PAG1: variants seen among roughly 807,000 people sequenced by gnomAD.
PAG1 encodes phosphoprotein associated with glycosphingolipid-enriched microdomains 1.
Under a neutral mutation model 31.7 loss-of-function variants are expected in PAG1, and 23 were observed. The ratio of observed to expected loss-of-function variants is 0.73; its 90% CI spans 0.52 to 1.03. The LOEUF (loss-of-function observed/expected upper bound fraction) is 1.03, where lower values mean the gene tolerates loss of function less well. Ranked by LOEUF, PAG1 falls within the 50% of genes least tolerant of loss-of-function variation. PAG1 has a pLI of 0.00. For synonymous variants in PAG1, 214 were observed against 210.3 expected (o/e 1.02, Z -0.15); for missense variants, 473 against 540.7 (o/e 0.87, Z 1.24).
At chr8:81,057,331 C>T (rs924679429) in intron 2 of PAG1, among the ~76,000 whole-genome samples, 29 of 152,136 alleles carry the variant, frequency 1.9e-4, no homozygotes, top group Non-Finnish European at 3.1e-4. Flanking sequence ...AAATATCCAT[C>T]AATGATAGAC....
chr8:81,047,968 T>C (rs1424129649), intron 2 of PAG1, among the ~76,000 whole-genome samples: 1 of 152,216 alleles, frequency 6.6e-6, no homozygotes. Flanking sequence ...CCTACACATG[T>C]TCACAAGGAA....
chr8:80,995,834 G>T (rs1342002671), intron 3 of PAG1, among the ~76,000 whole-genome samples: 3 of 152,168 alleles, frequency 2.0e-5, no homozygotes, highest in Non-Finnish European at 1.5e-5. Context: ...ATAGAAGGAG[G>T]TCAGTAGAAT....
Position 80,985,378 on chromosome 8 carries a change from C to G in PAG1, c.275-1G>C. On this transcript the variant is annotated splice_acceptor_variant, in intron 6 of 8. Transcript: ENST00000220597. LOFTEE classifies it high-confidence loss of function. Reference sequence around the variant, plus strand: ...GTCAGAGTACTGTCCTCTGAAAGAACTAAAGCAGCACACACATTAAAAGCG... The same window carrying G: ...GTCAGAGTACTGTCCTCTGAAAGAAGTAAAGCAGCACACACATTAAAAGCG... The G allele has an allele frequency of 6.2e-7, 1 of 1,607,756 alleles. No homozygotes were observed.
chr8:80,983,340 C>T (rs1302543164), intron 7 of PAG1, among the ~76,000 whole-genome samples: 1 of 152,182 alleles, frequency 6.6e-6, no homozygotes, highest in Non-Finnish European at 1.5e-5. Context: ...TTCTCAGTTC[C>T]CCTTATTCGG....
intron 3 of PAG1, among the ~76,000 whole-genome samples, chr8:81,023,810 T>C (rs554751763): frequency 9.9e-5 from 15 of 152,260 alleles, no homozygotes; most frequent in African/African-American, 2.9e-4. Flanking sequence ...AAAAGAATAA[T>C]GCAATAAACA....
chr8:81,067,941 T>C (rs1024281807), intron 2 of PAG1, among the ~76,000 whole-genome samples: 1 of 152,166 alleles, frequency 6.6e-6, no homozygotes, highest in Non-Finnish European at 1.5e-5. Context: ...TTTGCTTGTG[T>C]TTCTCTTTTT....
At chr8:81,104,386 C>CTTTT (rs34291180) in intron 1 of PAG1, among the ~76,000 whole-genome samples, 1 of 138,234 alleles carries the variant, frequency 7.2e-6, no homozygotes. Context: ...GGCCTTCGTC[C>CTTTT]TTTTTTTTTT....
chr8:81,084,746 T>G (rs1463806704), intron 1 of PAG1, among the ~76,000 whole-genome samples: 3 of 152,198 alleles, frequency 2.0e-5, no homozygotes, highest in Non-Finnish European at 4.4e-5. Context: ...TTTATGGGAT[T>G]TAAGAGAACT....
intron 3 of PAG1, among the ~76,000 whole-genome samples, chr8:81,027,967 T>C (rs1808313175): frequency 6.6e-6 from 1 of 151,332 alleles, no homozygotes; most frequent in Admixed American, 6.6e-5. Flanking sequence ...GAAATTTCTC[T>C]TTAAGCCTAA....
At chr8:80,992,187 C>T (rs1807565133) in intron 4 of PAG1, among the ~76,000 whole-genome samples, 1 of 152,220 alleles carries the variant, frequency 6.6e-6, no homozygotes, top group Non-Finnish European at 1.5e-5. Flanking sequence ...GGCCCTGCGG[C>T]CTCTTTGTTC....
intron 1 of PAG1, among the ~76,000 whole-genome samples, chr8:81,095,747 G>A (rs1243360368): frequency 6.6e-6 from 1 of 152,166 alleles, no homozygotes; most frequent in Non-Finnish European, 1.5e-5. Flanking sequence ...CTCAATAAAT[G>A]TATGCTGCAT....
chr8:81,054,041 CA>C (rs780658656), intron 2 of PAG1, among the ~76,000 whole-genome samples: 1 of 152,022 alleles, frequency 6.6e-6, no homozygotes, highest in Non-Finnish European at 1.5e-5. Flanking sequence ...ACTTTATTTA[CA>C]AAAATAGGTG....
chr8:81,027,601 G>T (rs1808304139), intron 3 of PAG1, among the ~76,000 whole-genome samples: 1 of 152,184 alleles, frequency 6.6e-6, no homozygotes, highest in African/African-American at 2.4e-5. Context: ...CCAGGGAGCT[G>T]TTCTTAAGAA....
intron 1 of PAG1, among the ~76,000 whole-genome samples, chr8:81,091,999 C>CAAA (rs35485848): frequency 4.7e-5 from 6 of 128,098 alleles, no homozygotes; most frequent in Non-Finnish European, 5.1e-5. Flanking sequence ...GACCTTGTCT[C>CAAA]AAAAAAAAAA....
At chr8:80,999,547 C>T (rs1807747072) in intron 3 of PAG1, among the ~76,000 whole-genome samples, 1 of 152,170 alleles carries the variant, frequency 6.6e-6, no homozygotes, top group East Asian at 1.9e-4. Flanking sequence ...ACTCACTGCT[C>T]ATGGGAGAGA....
intron 3 of PAG1, among the ~76,000 whole-genome samples, chr8:80,994,406 C>T (rs542851170): frequency 3.3e-5 from 5 of 152,334 alleles, no homozygotes; most frequent in Admixed American, 2.6e-4. Flanking sequence ...CTACCTAGTA[C>T]ATTTCCGTAC....
At chr8:81,080,798 A>C (rs1050429401) in intron 1 of PAG1, among the ~76,000 whole-genome samples, 1 of 152,292 alleles carries the variant, frequency 6.6e-6, no homozygotes, top group East Asian at 1.9e-4. Flanking sequence ...ATCAGGTCTG[A>C]GGGCCATTTG....
At chr8:81,052,108 C>T (rs1275868062) in intron 2 of PAG1, among the ~76,000 whole-genome samples, 3 of 144,348 alleles carry the variant, frequency 2.1e-5, no homozygotes, top group South Asian at 2.2e-4. Flanking sequence ...CCAGCCCGGG[C>T]GACAGAGCGA....
At chr8:81,105,684 A>C (rs1029268928) in intron 1 of PAG1, among the ~76,000 whole-genome samples, 4 of 152,254 alleles carry the variant, frequency 2.6e-5, no homozygotes, top group Admixed American at 2.0e-4. Context: ...CACAATGGGC[A>C]TGATGAAGGA....
Sources: allele counts gnomAD v4.1 joint callset (sites outside exome capture counted in the v4.1 genomes callset), GRCh38; gene constraint gnomAD v4.1.1; transcripts MANE v1.5; gene names NCBI Gene and HGNC (gene_info 2026-07-23, HGNC 2026-07-21).